The following IL1RAPL1 variants were observed in gnomAD, a reference collection of about 807,000 sequenced individuals.
The protein encoded by IL1RAPL1 is interleukin 1 receptor accessory protein like 1.
IL1RAPL1 carries 3 observed loss-of-function variants against 48.4 expected under a neutral mutation model. That is an observed-to-expected ratio of 0.06 (90% CI 0.03 to 0.16). The LOEUF (loss-of-function observed/expected upper bound fraction) is 0.16. IL1RAPL1 is among the 10% of genes least tolerant of loss of function. The pLI is 1.00. For synonymous variants in IL1RAPL1, 185 were observed against 187.7 expected (o/e 0.99, Z 0.12); for missense variants, 349 against 530.6 (o/e 0.66, Z 3.36).
At chrX:28,722,415 T>C (rs1935597030) in intron 1 of IL1RAPL1, among the ~76,000 whole-genome samples, 1 of 111,551 alleles carries the variant, frequency 9.0e-6, no homozygotes, top group Non-Finnish European at 1.9e-5. Context: ...TGTATAAGAA[T>C]GCTTGTGATT....
chrX:29,182,924 G>A (rs975751138), intron 2 of IL1RAPL1, among the ~76,000 whole-genome samples: 4 of 111,257 alleles, frequency 3.6e-5, no homozygotes, highest in African/African-American at 1.3e-4. Context: ...GATAGAAGCA[G>A]AATTTGAAGT....
intron 6 of IL1RAPL1, among the ~76,000 whole-genome samples, chrX:29,783,223 G>A (rs943397625): frequency 1.8e-5 from 2 of 111,000 alleles, no homozygotes; most frequent in East Asian, 2.8e-4. Context: ...ATTTTAAAGA[G>A]CTTTCTTTTC....
At chrX:29,393,181 T>G (rs918369501) in intron 3 of IL1RAPL1, among the ~76,000 whole-genome samples, 6 of 109,101 alleles carry the variant, frequency 5.5e-5, no homozygotes, top group African/African-American at 1.3e-4. Context: ...GCTTGCAGTC[T>G]CGCGATCTCG....
chrX:28,911,931 G>T (rs1923371626), intron 2 of IL1RAPL1, among the ~76,000 whole-genome samples: 1 of 106,590 alleles, frequency 9.4e-6, no homozygotes, highest in Non-Finnish European at 1.9e-5. Flanking sequence ...GTAATGTGTA[G>T]AGAGCTTTAA....
intron 2 of IL1RAPL1, among the ~76,000 whole-genome samples, chrX:28,893,277 A>G (rs759892772): frequency 9.0e-6 from 1 of 111,550 alleles, no homozygotes; most frequent in African/African-American, 3.3e-5. Flanking sequence ...TGGTAAAAGT[A>G]TTGTCCAGTC....
In IL1RAPL1 at chrX:29,773,318, T is replaced by C. The variant is rs757516665; in HGVS notation, c.778+104814T>C. Among the ~76,000 whole-genome samples the C allele has an allele frequency of 5.4e-5, 6 of 112,024 alleles. No homozygotes were observed. In the South Asian group the frequency reaches 2.2e-3, roughly 42 times the overall value. ...CAGTGTCATGGGCTTTCATTACTTATTCAAGAACTGGCTGTGCTGAACTTC... is the reference window on the plus strand; with the variant it reads ...CAGTGTCATGGGCTTTCATTACTTACTCAAGAACTGGCTGTGCTGAACTTC... On this transcript the variant is annotated intron_variant, in intron 6 of 10. Coordinates refer to ENST00000378993, the MANE Select transcript of IL1RAPL1 (RefSeq NM_014271.4).
intron 6 of IL1RAPL1, among the ~76,000 whole-genome samples, chrX:29,868,289 G>A (rs948889753): frequency 6.2e-5 from 7 of 112,296 alleles, no homozygotes; most frequent in Non-Finnish European, 9.4e-5. Context: ...GACGTTAAGC[G>A]TCTTTTAACT....
chrX:29,129,451 G>T (rs1928970488), intron 2 of IL1RAPL1, among the ~76,000 whole-genome samples: 1 of 110,162 alleles, frequency 9.1e-6, no homozygotes, highest in Non-Finnish European at 1.9e-5. Flanking sequence ...TTTATGTGTG[G>T]GAAAATTTAA....
At chrX:29,073,730 T>C (rs1450752452) in intron 2 of IL1RAPL1, among the ~76,000 whole-genome samples, 1 of 111,830 alleles carries the variant, frequency 8.9e-6, no homozygotes, top group African/African-American at 3.2e-5. Flanking sequence ...CATTATGAGT[T>C]TGAGTAGGTA....
intron 3 of IL1RAPL1, among the ~76,000 whole-genome samples, chrX:29,395,756 C>T (rs902073128): frequency 5.7e-4 from 64 of 111,350 alleles, no homozygotes; most frequent in African/African-American, 2.0e-3. Context: ...AGCAAGACAA[C>T]CAATAGTGTA....
chrX:29,412,874 G>A (rs183359896), intron 5 of IL1RAPL1, among the ~76,000 whole-genome samples: 4 of 112,251 alleles, frequency 3.6e-5, no homozygotes, highest in East Asian at 2.8e-4. Flanking sequence ...GTAAATTAGC[G>A]CAGATGCATC....
chrX:29,706,523 G>A (rs1038423721), intron 6 of IL1RAPL1, among the ~76,000 whole-genome samples: 2 of 111,386 alleles, frequency 1.8e-5, no homozygotes, highest in African/African-American at 6.5e-5. Flanking sequence ...CAAAACAAAG[G>A]GGCTACAGGC....
chrX:28,671,289 A>C (rs1223883943), intron 1 of IL1RAPL1, among the ~76,000 whole-genome samples: 1 of 112,225 alleles, frequency 8.9e-6, no homozygotes, highest in Non-Finnish European at 1.9e-5. Context: ...ATCTGAGTAC[A>C]TTTAATAGTA....
chrX:28,589,205 T>C (rs1052439917), intron 1 of IL1RAPL1, among the ~76,000 whole-genome samples: 3 of 111,224 alleles, frequency 2.7e-5, no homozygotes, highest in African/African-American at 3.3e-5. Context: ...GGAGAAGATA[T>C]GTGGATATGT....
intron 2 of IL1RAPL1, among the ~76,000 whole-genome samples, chrX:29,143,683 G>A (rs910133437): frequency 7.1e-5 from 8 of 112,102 alleles, no homozygotes; most frequent in African/African-American, 2.3e-4. Context: ...CTTAGTAATT[G>A]TTCCACAGCA....
Position 29,562,099 on chromosome X carries a change from ATCT to A in IL1RAPL1, c.704-106330_704-106328del, listed in dbSNP as rs1569339301. ...ATCTATCTAATCTATCTGTCTATCT[ATCT>A]ATCTATCTATCTAATCTATCTATCT... is the stretch of plus-strand genomic sequence containing the variant. On this transcript the variant is annotated intron_variant, in intron 5 of 10. Transcript: ENST00000378993. 5.7e-3 allele frequency among the ~76,000 whole-genome samples: 412 copies of A among 72,430 alleles called. 3 individuals carry two copies. Among genetic ancestry groups the A allele is most frequent in the African/African-American group, 0.024 (394 of 16,242 alleles). 62.9% of individuals were successfully genotyped at this position (72,430 alleles called of 115,157 possible).
intron 2 of IL1RAPL1, among the ~76,000 whole-genome samples, chrX:28,810,751 A>G (rs951900279): frequency 2.7e-5 from 3 of 110,468 alleles, no homozygotes. Context: ...AACAAAAACT[A>G]GTTAACATCA....
chrX:28,589,279 C>G (rs1933883354), intron 1 of IL1RAPL1, among the ~76,000 whole-genome samples: 1 of 111,345 alleles, frequency 9.0e-6, no homozygotes, highest in Admixed American at 9.6e-5. Flanking sequence ...CAGCGAGTTT[C>G]AGTCAACGAT....
At chrX:29,689,549 G>T (rs1368000334) in intron 6 of IL1RAPL1, among the ~76,000 whole-genome samples, 1 of 112,364 alleles carries the variant, frequency 8.9e-6, no homozygotes, top group Non-Finnish European at 1.9e-5. Context: ...TATTTCAAAA[G>T]CTCGGTCAAG....
Sources: gnomAD v4.1 joint callset for allele counts (sites outside exome capture counted in the v4.1 genomes callset) on GRCh38, gnomAD v4.1.1 for gene constraint, MANE v1.5 for transcripts, NCBI Gene and HGNC (gene_info 2026-07-23, HGNC 2026-07-21) for gene names.